XKR6: variants seen among roughly 807,000 people sequenced by gnomAD.
XKR6 encodes the protein XK-related protein 6.
Under a neutral mutation model 56.7 loss-of-function variants are expected in XKR6, and 22 were observed. The observed-to-expected ratio is 0.39, with a 90% confidence interval of 0.28 to 0.55. The LOEUF (loss-of-function observed/expected upper bound fraction) is 0.55. XKR6 is among the 20% of genes least tolerant of loss of function. XKR6 has a pLI of 0.66. For missense variants in XKR6, 852 were observed against 889.0 expected (o/e 0.96, Z 0.53); for synonymous variants, 524 against 387.8 (o/e 1.35, Z -4.13).
intron 1 of XKR6, among the ~76,000 whole-genome samples, chr8:10,958,465 T>G (rs114910334): frequency 6.6e-6 from 1 of 152,354 alleles, no homozygotes; most frequent in African/African-American, 2.4e-5. Flanking sequence ...CACATCCAGC[T>G]ACTCAGGGCA....
intron 2 of XKR6, among the ~76,000 whole-genome samples, chr8:10,916,970 A>T (rs1253985259): frequency 1.3e-5 from 2 of 152,200 alleles, no homozygotes; most frequent in East Asian, 1.9e-4. Context: ...AGACACAAAG[A>T]TCCCTAATTG....
intron 1 of XKR6, among the ~76,000 whole-genome samples, chr8:10,955,144 C>T (rs562934864): frequency 3.7e-4 from 56 of 152,224 alleles, no homozygotes; most frequent in African/African-American, 1.2e-3. Flanking sequence ...GCTGGGATTA[C>T]AGGTGTGAGC....
intron 1 of XKR6, among the ~76,000 whole-genome samples, chr8:11,068,929 C>T (rs1053157834): frequency 6.6e-6 from 1 of 152,248 alleles, no homozygotes; most frequent in Non-Finnish European, 1.5e-5. Context: ...CACCTACATT[C>T]TCCCATCTGC....
intron 1 of XKR6, among the ~76,000 whole-genome samples, chr8:11,051,962 G>T (rs560318431): frequency 6.6e-6 from 1 of 152,204 alleles, no homozygotes; most frequent in South Asian, 2.1e-4. Flanking sequence ...TGTTGCACAG[G>T]TATGCGTGTG....
chr8:10,980,876 G>A (rs1427783187), intron 1 of XKR6, among the ~76,000 whole-genome samples: 1 of 152,000 alleles, frequency 6.6e-6, no homozygotes, highest in African/African-American at 2.4e-5. Context: ...TGTATCTACT[G>A]ACCTACCCAA....
chr8:11,181,853 A>AT (rs779273799), intron 1 of XKR6, among the ~76,000 whole-genome samples: 2,483 of 148,846 alleles, frequency 0.017, 25 homozygotes, highest in Non-Finnish European at 0.027. Context: ...GCTGTTCCTG[A>AT]TTTTTTTTTT....
chr8:11,039,074 C>A (rs1175207735), intron 1 of XKR6, among the ~76,000 whole-genome samples: 1 of 152,134 alleles, frequency 6.6e-6, no homozygotes, highest in African/African-American at 2.4e-5. Context: ...CCAGTGAGAG[C>A]CAGGGAGACC....
At chr8:11,195,712 G>C (rs971085199) in intron 1 of XKR6, among the ~76,000 whole-genome samples, 12 of 149,440 alleles carry the variant, frequency 8.0e-5, no homozygotes, top group African/African-American at 3.0e-4. Context: ...GCAGTGGCGC[G>C]AACTTGGCTC....
In XKR6 at chr8:11,097,483, TAA is replaced by T. The variant is rs35577450; in HGVS notation, c.764+103091_764+103092del. ...CAGGGCAATATTTTCTTTTTTTTTT[TAA>T]AAAAAAAAAGGCAATAAATATTGGT... On this transcript the variant is annotated intron_variant, in intron 1 of 2. Coordinates refer to ENST00000416569, the MANE Select transcript of XKR6 (RefSeq NM_173683.4). 4.9e-3 allele frequency among the ~76,000 whole-genome samples: 421 copies of T among 85,734 alleles called. 2 individuals carry two copies. Among genetic ancestry groups the T allele is most frequent in the Middle Eastern group, 0.035 (6 of 170 alleles). 56.2% of individuals were successfully genotyped at this position (85,734 alleles called of 152,430 possible).
At chr8:10,971,506 T>C (rs1802409124) in intron 1 of XKR6, among the ~76,000 whole-genome samples, 1 of 151,670 alleles carries the variant, frequency 6.6e-6, no homozygotes, top group South Asian at 2.1e-4. Context: ...CACTTTGGAG[T>C]TGAGTAGGGA....
At chr8:11,097,487 A>ATTTT (rs1442586941) in intron 1 of XKR6, among the ~76,000 whole-genome samples, 10 of 151,606 alleles carry the variant, frequency 6.6e-5, no homozygotes, top group Middle Eastern at 3.4e-3. Flanking sequence ...TTTTTTTAAA[A>ATTTT]AAAAAAAGGC....
intron 1 of XKR6, among the ~76,000 whole-genome samples, chr8:10,977,694 G>T (rs1039115467): frequency 1.3e-5 from 2 of 150,182 alleles, no homozygotes; most frequent in African/African-American, 4.9e-5. Context: ...GGTGGGTTCG[G>T]GGATAGAGAC....
At chr8:11,035,166 C>T (rs566310442) in intron 1 of XKR6, 15 of 534,092 alleles carry the variant, frequency 2.8e-5, no homozygotes, top group Admixed American at 5.8e-5. Context: ...CAGCCAGTCT[C>T]GTGCCCAGCC....
At chr8:11,120,485 T>C (rs532593481) in intron 1 of XKR6, among the ~76,000 whole-genome samples, 169 of 152,240 alleles carry the variant, frequency 1.1e-3, no homozygotes, top group African/African-American at 4.0e-3. Context: ...ACAAGGGATG[T>C]GAAGGACCTC....
At chr8:11,188,992 C>T (rs1274904966) in intron 1 of XKR6, among the ~76,000 whole-genome samples, 3 of 152,112 alleles carry the variant, frequency 2.0e-5, no homozygotes, top group Non-Finnish European at 2.9e-5. Flanking sequence ...CAGTAAACAC[C>T]ATCCAACTCC....
intron 1 of XKR6, among the ~76,000 whole-genome samples, chr8:11,059,806 C>A (rs956345297): frequency 2.0e-5 from 3 of 151,996 alleles, no homozygotes; most frequent in Non-Finnish European, 4.4e-5. Flanking sequence ...GCGCGGTCCA[C>A]GGGGACAAGA....
chr8:11,193,567 A>G (rs1803701303), intron 1 of XKR6, among the ~76,000 whole-genome samples: 1 of 152,218 alleles, frequency 6.6e-6, no homozygotes, highest in South Asian at 2.1e-4. Flanking sequence ...AAGAGAACTT[A>G]TACCTTAATC....
chr8:11,121,739 T>C (rs1286330702), intron 1 of XKR6, among the ~76,000 whole-genome samples: 2 of 152,346 alleles, frequency 1.3e-5, no homozygotes, highest in East Asian at 3.9e-4. Flanking sequence ...TGCACACATA[T>C]GTTTATTGCG....
chr8:10,966,968 C>A (rs930238940), intron 1 of XKR6, among the ~76,000 whole-genome samples: 1 of 152,110 alleles, frequency 6.6e-6, no homozygotes, highest in Admixed American at 6.5e-5. Flanking sequence ...GCTTGAGAAC[C>A]ATGGGTCTAG....
Sources: allele counts gnomAD v4.1 joint callset (sites outside exome capture counted in the v4.1 genomes callset), GRCh38; gene constraint gnomAD v4.1.1; transcripts MANE v1.5; gene names NCBI Gene and HGNC (gene_info 2026-07-23, HGNC 2026-07-21).